Variants in SLC1A1 observed in about 807,000 individuals in gnomAD.
SLC1A1 encodes excitatory amino acid transporter 3.
SLC1A1 carries 43 observed loss-of-function variants against 53.3 expected under a neutral mutation model. The ratio of observed to expected loss-of-function variants is 0.81; its 90% CI spans 0.63 to 1.04. The LOEUF (loss-of-function observed/expected upper bound fraction) is 1.04, where lower values mean the gene tolerates loss of function less well. Ranked by LOEUF, SLC1A1 falls within the 50% of genes least tolerant of loss-of-function variation. SLC1A1 has a pLI of 0.00. For missense variants in SLC1A1, 748 were observed against 664.9 expected, an observed-to-expected ratio of 1.12 and a Z score of -1.37; for synonymous variants, 307 against 243.2, an observed-to-expected ratio of 1.26 and a Z score of -2.44.
At chr9:4,516,630 T>C (rs903455867) in intron 1 of SLC1A1, among the ~76,000 whole-genome samples, 8 of 152,358 alleles carry the variant, frequency 5.3e-5, no homozygotes, top group Non-Finnish European at 1.0e-4. Context: ...GTCAACTGCC[T>C]GATTTCCCTA....
At chr9:4,497,224 T>A (rs960763235) in intron 1 of SLC1A1, among the ~76,000 whole-genome samples, 1 of 152,176 alleles carries the variant, frequency 6.6e-6, no homozygotes, top group African/African-American at 2.4e-5. Context: ...AATCTTTCCA[T>A]CAAGCATATT....
At chr9:4,542,046 T>C (rs1368554284) in intron 1 of SLC1A1, among the ~76,000 whole-genome samples, 2 of 152,202 alleles carry the variant, frequency 1.3e-5, no homozygotes, top group African/African-American at 2.4e-5. Flanking sequence ...GCATAACTCC[T>C]AGGTGAGGTC....
chr9:4,545,646 C>A (rs1330561816), intron 2 of SLC1A1, among the ~76,000 whole-genome samples: 1 of 152,204 alleles, frequency 6.6e-6, no homozygotes, highest in Non-Finnish European at 1.5e-5. Context: ...TGGGGACCAG[C>A]AGTCAAGTTC....
chr9:4,566,141 TTAAAAA>T, intron 5 of SLC1A1, 52 bp downstream of exon 5: 1 of 1,496,916 alleles, frequency 6.7e-7, no homozygotes, highest in Non-Finnish European at 9.3e-7. Context: ...CCATTATCAA[TTAAAAA>T]TGTTTTTTTC....
chr9:4,557,603 T>C (rs181740653), intron 2 of SLC1A1, among the ~76,000 whole-genome samples: 80 of 151,120 alleles, frequency 5.3e-4, no homozygotes, highest in Non-Finnish European at 9.1e-4. Flanking sequence ...CTGGGCAACA[T>C]AGTGAGACCT....
chr9:4,551,007 T>C (rs900934095), intron 2 of SLC1A1, among the ~76,000 whole-genome samples: 42 of 152,138 alleles, frequency 2.8e-4, no homozygotes, highest in Admixed American at 2.7e-3. Flanking sequence ...CCAGCTAGAC[T>C]CTGACACTCC....
At chr9:4,527,555 C>G (rs1816308294) in intron 1 of SLC1A1, among the ~76,000 whole-genome samples, 1 of 152,094 alleles carries the variant, frequency 6.6e-6, no homozygotes, top group Admixed American at 6.5e-5. Flanking sequence ...ACTACATTTG[C>G]CATTCTGCTA....
chr9:4,503,563 G>C (rs965861193), intron 1 of SLC1A1, among the ~76,000 whole-genome samples: 1 of 151,762 alleles, frequency 6.6e-6, no homozygotes, highest in African/African-American at 2.4e-5. Context: ...GAATGGCCTT[G>C]AGCAGGTGTG....
intron 10 of SLC1A1, among the ~76,000 whole-genome samples, chr9:4,582,397 TCAGTGCCCTGAAGAG>T (rs1821181638): frequency 6.6e-6 from 1 of 152,180 alleles, no homozygotes; most frequent in African/African-American, 2.4e-5. Context: ...ATTTCTCAAT[TCAGTGCCCTGAAGAG>T]CAGTTCCCAG....
At chr9:4,584,101 G>C (rs887872017) in intron 11 of SLC1A1, among the ~76,000 whole-genome samples, 4 of 152,232 alleles carry the variant, frequency 2.6e-5, no homozygotes, top group African/African-American at 9.6e-5. Context: ...CCTTTGCTCA[G>C]AACCAGCTCA....
At chr9:4,495,344 G>A (rs1176645640) in intron 1 of SLC1A1, among the ~76,000 whole-genome samples, 1 of 152,092 alleles carries the variant, frequency 6.6e-6, no homozygotes, top group East Asian at 1.9e-4. Context: ...TGTGCACCAG[G>A]GATTGTTCTA....
chr9:4,545,970 G>C (rs1029175825), intron 2 of SLC1A1, among the ~76,000 whole-genome samples: 6 of 152,140 alleles, frequency 3.9e-5, no homozygotes, highest in African/African-American at 1.4e-4. Flanking sequence ...GCAATTAGAA[G>C]TCGTGACATG....
At chr9:4,517,800 G>T (rs1383055563) in intron 1 of SLC1A1, among the ~76,000 whole-genome samples, 1 of 152,140 alleles carries the variant, frequency 6.6e-6, no homozygotes, top group Non-Finnish European at 1.5e-5. Flanking sequence ...TGGGGCTTGG[G>T]CAGAGACATC....
At chr9:4,544,750 A>G (rs373528602) in intron 2 of SLC1A1, 43 bp downstream of exon 2, 3 of 1,522,052 alleles carry the variant, frequency 2.0e-6, no homozygotes, top group East Asian at 2.3e-5. Context: ...GTCCATTTTC[A>G]TACTGCTGTA....
intron 1 of SLC1A1, among the ~76,000 whole-genome samples, chr9:4,507,614 G>C (rs556304428): frequency 2.0e-5 from 3 of 152,218 alleles, no homozygotes; most frequent in East Asian, 3.9e-4. Context: ...AGCATGGTTG[G>C]GAGTCATGAG....
At chr9:4,530,135 G>T (rs71496484) in intron 1 of SLC1A1, among the ~76,000 whole-genome samples, 2 of 152,102 alleles carry the variant, frequency 1.3e-5, no homozygotes, top group Admixed American at 1.3e-4. Flanking sequence ...TGATAGGAAG[G>T]AGGAGGTTTG....
chr9:4,496,313 C>T (rs947616658), intron 1 of SLC1A1, among the ~76,000 whole-genome samples: 12 of 152,132 alleles, frequency 7.9e-5, no homozygotes, highest in Middle Eastern at 3.4e-3. Context: ...ACCTTCTGGG[C>T]TTTTATTTGG....
rs115007689 is a variant in SLC1A1 at position 4,575,020 on chromosome 9, C to T, written c.876-981C>T. On this transcript the variant is annotated intron_variant, in intron 8 of 11. Coordinates refer to ENST00000262352, the MANE Select transcript of SLC1A1 (RefSeq NM_004170.6). The stretch of plus-strand genomic sequence containing the variant: ...TGCTGAAACAGGCAGTGCCAGGGAT[C>T]GTGTCTCAGCAGTGACGTGGCTGGG... Among the ~76,000 whole-genome samples the T allele has an allele frequency of 5.0e-3, 764 of 152,252 alleles. 2 individuals carry two copies. The highest frequency in any genetic ancestry group is 0.017 in the African/African-American group (726 of 41,538).
intron 1 of SLC1A1, among the ~76,000 whole-genome samples, chr9:4,527,275 A>G (rs893788139): frequency 6.6e-6 from 1 of 152,190 alleles, no homozygotes; most frequent in African/African-American, 2.4e-5. Context: ...AAGCCTTGTG[A>G]GACCCTGAGC....
Sources: gnomAD v4.1 joint callset for allele counts (sites outside exome capture counted in the v4.1 genomes callset) on GRCh38, gnomAD v4.1.1 for gene constraint, MANE v1.5 for transcripts, NCBI Gene and HGNC (gene_info 2026-07-23, HGNC 2026-07-21) for gene names.